COL14A1: variants seen among roughly 807,000 people sequenced by gnomAD.
COL14A1 encodes the protein collagen type XIV alpha 1 chain, also known as collagen alpha-1(XIV) chain.
COL14A1 carries 136 observed loss-of-function variants against 230.3 expected under a neutral mutation model. The observed-to-expected ratio is 0.59, with a 90% CI of 0.51 to 0.68. COL14A1 has a LOEUF of 0.68. Ranked by LOEUF, COL14A1 falls within the 30% of genes least tolerant of loss-of-function variation. The pLI, the probability that COL14A1 is intolerant of heterozygous loss-of-function variation, is 0.00. For missense variants in COL14A1, 1,976 were observed against 2,215.8 expected (o/e 0.89, Z 2.17); for synonymous variants, 792 against 784.1 (o/e 1.01, Z -0.17).
intron 2 of COL14A1, among the ~76,000 whole-genome samples, chr8:120,152,425 G>A (rs191317947): frequency 1.3e-3 from 163 of 125,566 alleles, no homozygotes; most frequent in African/African-American, 4.6e-3. Context: ...AGCCGAGATC[G>A]CACCACTGCA....
rs773723515 is a variant in COL14A1 at position 120,255,407 on chromosome 8, T to G, written c.2869+51T>G. On this transcript the variant is annotated intron_variant, in intron 23 of 47. Coordinates refer to ENST00000297848, the MANE Select transcript of COL14A1 (RefSeq NM_021110.4). ...TTTGTCAAGCATTTGTGTATTTGAT[T>G]CTTTGCACACCACTGTGTACAACAC... The G allele has an allele frequency of 2.3e-6, 3 of 1,314,372 alleles. No individual in the cohort carries two copies. The Admixed American group carries it at 5.0e-5, about 22-fold the overall frequency. 81.4% of individuals were successfully genotyped at this position (1,314,372 alleles called of 1,614,324 possible).
chr8:120,129,495 C>G (rs930633262), intron 1 of COL14A1, among the ~76,000 whole-genome samples: 1 of 152,198 alleles, frequency 6.6e-6, no homozygotes, highest in Non-Finnish European at 1.5e-5. Context: ...ATGGCTCTAC[C>G]TTCTGTCATT....
intron 31 of COL14A1, among the ~76,000 whole-genome samples, chr8:120,281,377 C>T (rs1586828947): frequency 6.6e-6 from 1 of 151,778 alleles, no homozygotes; most frequent in East Asian, 1.9e-4. Context: ...GCCTGGGCAA[C>T]AAAATAAGAG....
At chr8:120,164,517 A>G (rs1037995859) in intron 4 of COL14A1, among the ~76,000 whole-genome samples, 3 of 152,152 alleles carry the variant, frequency 2.0e-5, no homozygotes, top group African/African-American at 4.8e-5. Context: ...AAAAATCGCA[A>G]TTACTTTTGC....
At chr8:120,144,130 G>C (rs1815009057) in intron 1 of COL14A1, among the ~76,000 whole-genome samples, 1 of 152,058 alleles carries the variant, frequency 6.6e-6, no homozygotes, top group Non-Finnish European at 1.5e-5. Flanking sequence ...ATATAACAAG[G>C]AGTGTTTGCA....
At chr8:120,153,578 AT>A (rs890489553) in intron 2 of COL14A1, among the ~76,000 whole-genome samples, 5 of 152,204 alleles carry the variant, frequency 3.3e-5, no homozygotes, top group African/African-American at 1.2e-4. Context: ...AATAAATATA[AT>A]TGGTTGCCCT....
intron 19 of COL14A1, among the ~76,000 whole-genome samples, chr8:120,235,914 T>A (rs2130830185): frequency 6.6e-6 from 1 of 152,348 alleles, no homozygotes; most frequent in East Asian, 1.9e-4. Flanking sequence ...AGTTTCCATG[T>A]AGTTGTGCAG....
At chr8:120,138,715 C>G (rs2130420953) in intron 1 of COL14A1, among the ~76,000 whole-genome samples, 1 of 152,140 alleles carries the variant, frequency 6.6e-6, no homozygotes, top group African/African-American at 2.4e-5. Context: ...CTTGAAAATC[C>G]TTTTATGATT....
intron 36 of COL14A1, among the ~76,000 whole-genome samples, chr8:120,301,574 T>C (rs1376463248): frequency 6.6e-5 from 10 of 152,232 alleles, no homozygotes; most frequent in Admixed American, 5.2e-4. Context: ...ATGATGTATA[T>C]GTACCACATT....
rs71306871 is a variant in COL14A1 at position 120,173,564 on chromosome 8, CATCT to C, written c.436+5337_436+5340del. Among the ~76,000 whole-genome samples the C allele has an allele frequency of 1.8e-3, 276 of 149,286 alleles. 1 individual carries two copies. Among genetic ancestry groups the C allele is most frequent in the African/African-American group, 5.8e-3 (236 of 40,586 alleles). On this transcript the variant is annotated intron_variant, in intron 5 of 47. Coordinates refer to ENST00000297848, the MANE Select transcript of COL14A1 (RefSeq NM_021110.4). ...ATTCTCTTGCTCTCTAGCAATCAAT[CATCT>C]ATCTATCTATCTATCTATCATTTAT...
intron 29 of COL14A1, 103 bp from the exon 30 acceptor site, chr8:120,280,608 A>G (rs1430167290): frequency 2.7e-6 from 3 of 1,091,862 alleles, no homozygotes; most frequent in African/African-American, 1.6e-5. Flanking sequence ...TCCACAATCA[A>G]CTTCTGGAAA....
intron 40 of COL14A1, among the ~76,000 whole-genome samples, chr8:120,319,199 C>T (rs1333237424): frequency 6.6e-6 from 1 of 152,052 alleles, no homozygotes; most frequent in Non-Finnish European, 1.5e-5. Context: ...CTCTGTGGCC[C>T]AGGCTGGAGT....
At chr8:120,150,507 T>C (rs1219540883) in intron 2 of COL14A1, among the ~76,000 whole-genome samples, 1 of 152,188 alleles carries the variant, frequency 6.6e-6, no homozygotes, top group African/African-American at 2.4e-5. Flanking sequence ...ATCAAGTTTC[T>C]TGATGGAGAC....
chr8:120,166,504 C>G (rs1815878884), intron 4 of COL14A1, among the ~76,000 whole-genome samples: 1 of 144,506 alleles, frequency 6.9e-6, no homozygotes, highest in African/African-American at 2.6e-5. Flanking sequence ...CTCTAAGTCT[C>G]TACCTCTGAA....
At chr8:120,242,691 A>G (rs1005875396) in intron 19 of COL14A1, among the ~76,000 whole-genome samples, 2 of 152,208 alleles carry the variant, frequency 1.3e-5, no homozygotes, top group African/African-American at 2.4e-5. Context: ...CCACACATCA[A>G]TTCAGACCTG....
At chr8:120,283,902 A>G in intron 32 of COL14A1, 124 bp downstream of exon 32, 2 of 664,518 alleles carry the variant, frequency 3.0e-6, no homozygotes, top group Non-Finnish European at 4.8e-6. Context: ...TGTAAATACT[A>G]AACAATGAAT....
chr8:120,283,119 C>T (rs141440206), intron 31 of COL14A1, among the ~76,000 whole-genome samples: 87 of 152,246 alleles, frequency 5.7e-4, no homozygotes, highest in Non-Finnish European at 1.0e-3. Flanking sequence ...AACCTGTCTG[C>T]AGACAACACT....
intron 42 of COL14A1, among the ~76,000 whole-genome samples, chr8:120,335,293 C>G (rs1822017297): frequency 6.6e-6 from 1 of 152,168 alleles, no homozygotes; most frequent in Non-Finnish European, 1.5e-5. Context: ...AAATAAAACA[C>G]TTGTTCATAA....
At chr8:120,279,115 A>C (rs991656040) in intron 28 of COL14A1, among the ~76,000 whole-genome samples, 1 of 143,860 alleles carries the variant, frequency 7.0e-6, no homozygotes, top group Admixed American at 6.9e-5. Context: ...ACACATGGAC[A>C]CAGGGAGGGG....
Sources: gnomAD v4.1 joint callset for allele counts (sites outside exome capture counted in the v4.1 genomes callset) on GRCh38, gnomAD v4.1.1 for gene constraint, MANE v1.5 for transcripts, NCBI Gene and HGNC (gene_info 2026-07-23, HGNC 2026-07-21) for gene names.